The following RANBP2 variants were observed in gnomAD, a reference collection of about 807,000 sequenced individuals.
RANBP2 encodes the protein RAN binding protein 2.
Under a neutral mutation model 303.6 loss-of-function variants are expected in RANBP2, and 57 were observed. The ratio of observed to expected loss-of-function variants is 0.19; its 90% CI spans 0.15 to 0.23. RANBP2 has a LOEUF of 0.23. RANBP2 is among the 10% of genes least tolerant of loss of function. RANBP2 has a pLI of 1.00. For missense variants in RANBP2, 3,138 were observed against 3,780.8 expected (o/e 0.83, Z 4.46); for synonymous variants, 1,167 against 1,301.5 (o/e 0.90, Z 2.23).
the RANBP2 span, among the ~76,000 whole-genome samples, chr2:109,538,414 T>A: frequency 6.6e-6 from 1 of 152,360 alleles, no homozygotes; most frequent in East Asian, 1.9e-4. Flanking sequence ...TCAGGGCCAT[T>A]ATTCGCCGAC....
At chr2:109,219,306 A>G in the RANBP2 span, among the ~76,000 whole-genome samples, 2 of 151,966 alleles carry the variant, frequency 1.3e-5, no homozygotes, top group African/African-American at 4.8e-5. Flanking sequence ...ATTTTGTGTA[A>G]TTACATAAGG....
chr2:109,397,963 A>T, the RANBP2 span, among the ~76,000 whole-genome samples: 1 of 152,158 alleles, frequency 6.6e-6, no homozygotes, highest in African/African-American at 2.4e-5. Context: ...TCGCCAAATC[A>T]CTCAAGATGA....
rs534782596 is a variant in RANBP2 at position 108,780,388 on chromosome 2, A to G, written c.8600-881A>G. Among the ~76,000 whole-genome samples, 9 of 139,708 alleles carry G rather than the reference A, an allele frequency of 6.4e-5. No homozygotes were observed. The South Asian group carries it at 2.0e-3, about 32-fold the overall frequency. 91.7% of individuals were successfully genotyped at this position (139,708 alleles called of 152,430 possible). ...TTTTTTTTTTTTTTTTTTTAAAGAC[A>G]GAGTCTTGCTCTGTCGTCCAGGCTG... On this transcript the variant is annotated intron_variant, in intron 25 of 28. Transcript: ENST00000283195.
the RANBP2 span, among the ~76,000 whole-genome samples, chr2:108,912,948 C>CTT: frequency 2.3e-4 from 32 of 139,174 alleles, no homozygotes; most frequent in African/African-American, 2.9e-4. Flanking sequence ...CGTTATTGTT[C>CTT]TTTTTTTTTT....
At chr2:109,033,627 A>C in the RANBP2 span, among the ~76,000 whole-genome samples, 3 of 152,102 alleles carry the variant, frequency 2.0e-5, no homozygotes, top group Non-Finnish European at 2.9e-5. Flanking sequence ...CATTGTCTGG[A>C]TGTGTTGATC....
chr2:109,492,472 G>A, the RANBP2 span, among the ~76,000 whole-genome samples: 1 of 152,136 alleles, frequency 6.6e-6, no homozygotes, highest in African/African-American at 2.4e-5. Flanking sequence ...TCTGCACAGG[G>A]GTGACGTTCA....
the RANBP2 span, among the ~76,000 whole-genome samples, chr2:109,002,397 C>T: frequency 6.6e-6 from 1 of 152,218 alleles, no homozygotes; most frequent in Non-Finnish European, 1.5e-5. Context: ...CTCCCTTGAA[C>T]CACTGCTTTG....
the RANBP2 span, among the ~76,000 whole-genome samples, chr2:108,877,304 C>CA: frequency 0.73 from 108,810 of 149,480 alleles, 42,148 homozygotes; most frequent in East Asian, 0.95. Context: ...CCCGTCTCTA[C>CA]AAAAAAAAAC....
the RANBP2 span, among the ~76,000 whole-genome samples, chr2:109,074,327 C>CACTGCACTCCAGCCTGT: frequency 6.7e-6 from 1 of 150,236 alleles, no homozygotes; most frequent in Non-Finnish European, 1.5e-5. Flanking sequence ...GAGATTGTAC[C>CACTGCACTCCAGCCTGT]ACTGCACTCC....
At chr2:109,699,541 AG>A in the RANBP2 span, among the ~76,000 whole-genome samples, 1 of 152,320 alleles carries the variant, frequency 6.6e-6, no homozygotes, top group South Asian at 2.1e-4. Flanking sequence ...TAGAGAAAAG[AG>A]TGTTCTAAGA....
At chr2:109,181,632 G>A in the RANBP2 span, among the ~76,000 whole-genome samples, 1 of 152,196 alleles carries the variant, frequency 6.6e-6, no homozygotes, top group East Asian at 1.9e-4. Context: ...AGGACCTGCA[G>A]TAGATGCCTG....
chr2:109,271,902 C>T, the RANBP2 span, among the ~76,000 whole-genome samples: 31 of 152,322 alleles, frequency 2.0e-4, no homozygotes, highest in Admixed American at 1.6e-3. Context: ...AGATTCTAAC[C>T]GCTACGCACA....
chr2:108,873,499 G>T, the RANBP2 span: 2 of 1,604,358 alleles, frequency 1.2e-6, no homozygotes, highest in East Asian at 2.2e-5. Flanking sequence ...TTATTTTTTC[G>T]TACTTGCTCT....
the RANBP2 span, among the ~76,000 whole-genome samples, chr2:109,078,077 AATATATATATAT>A: frequency 4.1e-3 from 196 of 47,440 alleles, 13 homozygotes; most frequent in Middle Eastern, 0.011. Flanking sequence ...TTGACAGATG[AATATATATATAT>A]ATATATATAT....
At chr2:109,594,744 C>G in the RANBP2 span, 1 of 152,078 alleles carries the variant, frequency 6.6e-6, no homozygotes. Flanking sequence ...CGCACATGCA[C>G]ACACACACAC....
At chr2:109,083,150 T>A in the RANBP2 span, among the ~76,000 whole-genome samples, 1 of 152,076 alleles carries the variant, frequency 6.6e-6, no homozygotes, top group African/African-American at 2.4e-5. Context: ...TAAAGAAAAT[T>A]ACCATTTAAA....
At chr2:109,167,728 C>G in the RANBP2 span, among the ~76,000 whole-genome samples, 1 of 152,118 alleles carries the variant, frequency 6.6e-6, no homozygotes, top group Non-Finnish European at 1.5e-5. Flanking sequence ...CCTGTCACCA[C>G]GCCTGGCTAA....
chr2:108,969,161 C>T, the RANBP2 span, among the ~76,000 whole-genome samples: 1 of 152,110 alleles, frequency 6.6e-6, no homozygotes, highest in Non-Finnish European at 1.5e-5. Flanking sequence ...GGCACCTCTG[C>T]TCTATGGCTG....
the RANBP2 span, among the ~76,000 whole-genome samples, chr2:109,474,137 AG>A: frequency 6.6e-6 from 1 of 152,096 alleles, no homozygotes; most frequent in Non-Finnish European, 1.5e-5. Flanking sequence ...CAGAAGACGC[AG>A]GTGGCCAGGG....
Sources: gnomAD v4.1 joint callset for allele counts (sites outside exome capture counted in the v4.1 genomes callset) on GRCh38, gnomAD v4.1.1 for gene constraint, MANE v1.5 for transcripts, NCBI Gene and HGNC (gene_info 2026-07-23, HGNC 2026-07-21) for gene names.